SORBS2: variants seen among roughly 807,000 people sequenced by gnomAD.
SORBS2 encodes the protein sorbin and SH3 domain containing 2.
In SORBS2, 46 loss-of-function variants were observed where a neutral mutation model predicts 97.7. That is an observed-to-expected ratio of 0.47 (90% CI 0.37 to 0.60). The LOEUF (loss-of-function observed/expected upper bound fraction) is 0.60, where lower values mean the gene tolerates loss of function less well. Ranked by LOEUF, SORBS2 falls within the 20% of genes least tolerant of loss-of-function variation. The pLI is 0.00. For synonymous variants in SORBS2, 476 were observed against 473.4 expected (o/e 1.01, Z -0.07); for missense variants, 1,316 against 1,282.3 (o/e 1.03, Z -0.40).
At chr4:185,917,788 C>T (rs1579488406) in intron 1 of SORBS2, among the ~76,000 whole-genome samples, 1 of 152,074 alleles carries the variant, frequency 6.6e-6, no homozygotes, top group East Asian at 1.9e-4. Flanking sequence ...GGGGGACACC[C>T]TACTGGTGTC....
chr4:185,681,563 A>G (rs2097867320), intron 2 of SORBS2, among the ~76,000 whole-genome samples: 1 of 152,224 alleles, frequency 6.6e-6, no homozygotes, highest in Non-Finnish European at 1.5e-5. Flanking sequence ...TTTAGTAGAC[A>G]GTCACTGCTT....
At chr4:185,665,777 C>G in intron 4 of SORBS2, 2 of 1,080,666 alleles carry the variant, frequency 1.9e-6, no homozygotes, top group Non-Finnish European at 2.3e-6. Flanking sequence ...TCTGTCACAG[C>G]AGACCTCTGA....
intron 1 of SORBS2, among the ~76,000 whole-genome samples, chr4:185,876,110 A>ATT (rs146811036): frequency 0.23 from 34,605 of 147,948 alleles, 4,309 homozygotes; most frequent in East Asian, 0.54. Context: ...TAGGATTTAA[A>ATT]TTTTTTTGTT....
chr4:185,586,157 A>G (rs2095799441), exon 15 of SORBS2: 2 of 152,632 alleles, frequency 1.3e-5, no homozygotes, highest in African/African-American at 4.8e-5. Context: ...ATCACTGTCC[A>G]TGAAAGAGAT....
chr4:185,587,488 T>G (rs1580323864), exon 15 of SORBS2: 2 of 692,478 alleles, frequency 2.9e-6, no homozygotes. Flanking sequence ...ACTCTGCTGG[T>G]GGTTTGGTGG....
intron 2 of SORBS2, among the ~76,000 whole-genome samples, chr4:185,756,866 G>A (rs933308132): frequency 2.0e-5 from 3 of 151,868 alleles, no homozygotes; most frequent in Non-Finnish European, 4.4e-5. Flanking sequence ...CTAAGATATC[G>A]AGTGGCAAGT....
intron 7 of SORBS2, among the ~76,000 whole-genome samples, chr4:185,622,583 T>G (rs2096735956): frequency 6.6e-6 from 1 of 152,256 alleles, no homozygotes; most frequent in South Asian, 2.1e-4. Context: ...AGGTTTTGAT[T>G]CATGTCACAA....
At chr4:185,631,552 C>G (rs895358746) in intron 4 of SORBS2, among the ~76,000 whole-genome samples, 1 of 152,100 alleles carries the variant, frequency 6.6e-6, no homozygotes, top group South Asian at 2.1e-4. Context: ...CACCTGTGGT[C>G]AGGAGTTCAA....
chr4:185,937,340 C>T (rs1185328153), intron 1 of SORBS2, among the ~76,000 whole-genome samples: 4 of 152,186 alleles, frequency 2.6e-5, no homozygotes, highest in African/African-American at 9.7e-5. Flanking sequence ...TTTATTTACT[C>T]TTACAGTGAG....
At chr4:185,679,714 C>T (rs1217613133) in intron 2 of SORBS2, among the ~76,000 whole-genome samples, 2 of 152,200 alleles carry the variant, frequency 1.3e-5, no homozygotes, top group African/African-American at 2.4e-5. Context: ...CTGTCCAGTC[C>T]TGGATTCCTT....
At chr4:185,709,283 G>A (rs58789761) in intron 2 of SORBS2, among the ~76,000 whole-genome samples, 46,473 of 130,266 alleles carry the variant, frequency 0.36, 7,442 homozygotes, top group Middle Eastern at 0.44. Context: ...TTATAGGCAT[G>A]AGCCGCTGTG....
chr4:185,759,335 A>C (rs1222150134), intron 2 of SORBS2, among the ~76,000 whole-genome samples: 1 of 152,238 alleles, frequency 6.6e-6, no homozygotes, highest in Non-Finnish European at 1.5e-5. Flanking sequence ...TGATTCTCAC[A>C]ATACCATATG....
intron 12 of SORBS2, among the ~76,000 whole-genome samples, chr4:185,603,877 T>G (rs1192716785): frequency 6.6e-6 from 1 of 152,202 alleles, no homozygotes; most frequent in African/African-American, 2.4e-5. Flanking sequence ...AAAAGGATGA[T>G]CCTTCCCACA....
At chr4:185,602,730 G>A (rs1056505231) in intron 12 of SORBS2, among the ~76,000 whole-genome samples, 1 of 144,174 alleles carries the variant, frequency 6.9e-6, no homozygotes, top group Non-Finnish European at 1.5e-5. Context: ...AAATAAAAAG[G>A]CTTCGGACTC....
chr4:185,879,860 G>A (rs1053747745), intron 1 of SORBS2, among the ~76,000 whole-genome samples: 2 of 152,198 alleles, frequency 1.3e-5, no homozygotes, highest in Non-Finnish European at 2.9e-5. Flanking sequence ...AGCACGGTGA[G>A]GGCAGGGCGT....
intron 1 of SORBS2, among the ~76,000 whole-genome samples, chr4:185,808,481 T>A (rs2099165969): frequency 6.6e-6 from 1 of 152,170 alleles, no homozygotes; most frequent in South Asian, 2.1e-4. Flanking sequence ...GCTACTGAAA[T>A]CAGGCTTATT....
intron 1 of SORBS2, among the ~76,000 whole-genome samples, chr4:185,776,899 CAAA>C (rs34135817): frequency 5.7e-4 from 63 of 111,094 alleles, no homozygotes; most frequent in African/African-American, 1.5e-3. Context: ...GACTCCATCT[CAAA>C]AAAAAAAAAA....
intron 1 of SORBS2, among the ~76,000 whole-genome samples, chr4:185,799,323 A>G (rs574609176): frequency 2.0e-5 from 3 of 152,362 alleles, no homozygotes; most frequent in East Asian, 1.9e-4. Flanking sequence ...TAGAGAACCT[A>G]TTGATGCTGT....
upstream of SORBS2, chr4:185,657,508 C>T: frequency 1.3e-6 from 2 of 1,568,950 alleles, no homozygotes; most frequent in East Asian, 2.4e-5. Flanking sequence ...TCACTCTCTT[C>T]TCTTCCTCTG....
Sources: allele counts gnomAD v4.1 joint callset (sites outside exome capture counted in the v4.1 genomes callset), GRCh38; gene constraint gnomAD v4.1.1; transcripts MANE v1.5; gene names NCBI Gene and HGNC (gene_info 2026-07-23, HGNC 2026-07-21).